Variants in RBMS3 observed in about 807,000 individuals in gnomAD.
RBMS3 encodes the protein RNA binding motif single stranded interacting protein 3.
A neutral mutation model predicts 66.8 loss-of-function variants in RBMS3; 27 were observed. That is an observed-to-expected ratio of 0.40 (90% CI 0.30 to 0.56). The LOEUF (loss-of-function observed/expected upper bound fraction) is 0.56. Ranked by LOEUF, RBMS3 falls within the 20% of genes least tolerant of loss-of-function variation. The pLI, the probability that RBMS3 is intolerant of heterozygous loss-of-function variation, is 0.40. For missense variants in RBMS3, 513 were observed against 549.5 expected, an observed-to-expected ratio of 0.93 and a Z score of 0.66; for synonymous variants, 188 against 183.0, an observed-to-expected ratio of 1.03 and a Z score of -0.22.
chr3:29,660,900 A>G (rs768896769), intron 4 of RBMS3, among the ~76,000 whole-genome samples: 1 of 152,210 alleles, frequency 6.6e-6, no homozygotes, highest in Non-Finnish European at 1.5e-5. Context: ...GCTTCCACCA[A>G]TGGGAAGAAG....
chr3:29,288,206 G>A (rs1279342651), intron 1 of RBMS3, among the ~76,000 whole-genome samples: 2 of 151,956 alleles, frequency 1.3e-5, no homozygotes, highest in Non-Finnish European at 2.9e-5. Context: ...AGATAGCTGA[G>A]CCTGCTTTAG....
intron 10 of RBMS3, among the ~76,000 whole-genome samples, chr3:29,932,005 TG>T (rs1238281683): frequency 6.6e-6 from 1 of 152,220 alleles, no homozygotes; most frequent in Non-Finnish European, 1.5e-5. Flanking sequence ...AAAGGGATGC[TG>T]TTTTTTTAAT....
At chr3:29,935,083 C>G (rs2061231525) in intron 10 of RBMS3, among the ~76,000 whole-genome samples, 1 of 152,018 alleles carries the variant, frequency 6.6e-6, no homozygotes, top group South Asian at 2.1e-4. Context: ...CTACTTTTAT[C>G]ACAATCTTTA....
intron 4 of RBMS3, among the ~76,000 whole-genome samples, chr3:29,593,972 A>G (rs1430099425): frequency 2.0e-5 from 3 of 152,234 alleles, no homozygotes; most frequent in Non-Finnish European, 2.9e-5. Context: ...TGGAGATGGT[A>G]GTATTTTAGG....
intron 4 of RBMS3, among the ~76,000 whole-genome samples, chr3:29,718,055 A>G (rs1307946870): frequency 6.6e-6 from 1 of 152,080 alleles, no homozygotes; most frequent in Non-Finnish European, 1.5e-5. Context: ...ATACACTGAC[A>G]TTTGGTTTCC....
chr3:29,902,366 G>A (rs377300381), intron 10 of RBMS3, among the ~76,000 whole-genome samples: 1 of 151,812 alleles, frequency 6.6e-6, no homozygotes, highest in African/African-American at 2.4e-5. Context: ...AATGAGTGTT[G>A]TTATAAGCAG....
At chr3:29,951,499 T>C (rs1695679132) in intron 12 of RBMS3, among the ~76,000 whole-genome samples, 1 of 151,758 alleles carries the variant, frequency 6.6e-6, no homozygotes, top group African/African-American at 2.4e-5. Context: ...TTACCCTTTA[T>C]ATATACACAA....
intron 8 of RBMS3, among the ~76,000 whole-genome samples, chr3:29,890,720 A>G (rs1204220844): frequency 2.0e-5 from 3 of 151,636 alleles, no homozygotes; most frequent in Admixed American, 1.3e-4. Flanking sequence ...AAGTACTATA[A>G]GATATATGTA....
Position 29,295,472 on chromosome 3 carries a change from G to A in RBMS3, c.75+13716G>A, listed in dbSNP as rs373938203. On this transcript the variant is annotated intron_variant, in intron 1 of 14. Coordinates refer to ENST00000383767, the MANE Select transcript of RBMS3 (RefSeq NM_001003793.3). Reference sequence around the variant, plus strand: ...CTAGGGAAATAATTCAAGATACAGCGGGAAAATGTTAATAATCTCCCTCAA... The same window carrying A: ...CTAGGGAAATAATTCAAGATACAGCAGGAAAATGTTAATAATCTCCCTCAA... 3.6e-4 allele frequency among the ~76,000 whole-genome samples: 54 copies of A among 150,542 alleles called. 1 individual carries two copies. In the South Asian group the frequency reaches 6.7e-3, roughly 19 times the overall value.
chr3:29,648,714 G>GT (rs35668644), intron 4 of RBMS3, among the ~76,000 whole-genome samples: 44,242 of 150,844 alleles, frequency 0.29, 6,657 homozygotes, highest in Middle Eastern at 0.36. Context: ...GAATTACAGT[G>GT]TTTTTTTTTC....
At chr3:29,446,073 A>G (rs115025755) in intron 2 of RBMS3, among the ~76,000 whole-genome samples, 6,036 of 152,258 alleles carry the variant, frequency 0.04, 184 homozygotes, top group Non-Finnish European at 0.058. Flanking sequence ...ATCATATTCT[A>G]AGAAGTCCAC....
chr3:29,800,034 C>T (rs1029481292), intron 6 of RBMS3, among the ~76,000 whole-genome samples: 2 of 152,144 alleles, frequency 1.3e-5, no homozygotes, highest in African/African-American at 2.4e-5. Flanking sequence ...AATAGATGTA[C>T]CATGTATACT....
chr3:29,787,949 A>G (rs143147780), intron 6 of RBMS3, among the ~76,000 whole-genome samples: 239 of 152,254 alleles, frequency 1.6e-3, no homozygotes, highest in Middle Eastern at 3.4e-3. Flanking sequence ...GATTTATTTT[A>G]TATTTTGAGT....
intron 4 of RBMS3, among the ~76,000 whole-genome samples, chr3:29,675,435 A>G (rs181490221): frequency 1.3e-5 from 2 of 152,234 alleles, no homozygotes; most frequent in Non-Finnish European, 2.9e-5. Flanking sequence ...ATGGGATCTA[A>G]TTAAACTAAA....
At chr3:29,336,004 T>C (rs754972201) in intron 1 of RBMS3, among the ~76,000 whole-genome samples, 2 of 152,160 alleles carry the variant, frequency 1.3e-5, no homozygotes, top group Non-Finnish European at 2.9e-5. Flanking sequence ...ATTTTTCAAC[T>C]GATCAGCCTT....
chr3:29,929,628 A>G (rs568764816), intron 10 of RBMS3, among the ~76,000 whole-genome samples: 1 of 152,306 alleles, frequency 6.6e-6, no homozygotes, highest in Non-Finnish European at 1.5e-5. Context: ...TACTGAATCA[A>G]AAATCAACTT....
chr3:29,739,590 C>A, intron 4 of RBMS3, 130 bp from the exon 5 acceptor site: 1 of 733,434 alleles, frequency 1.4e-6, no homozygotes, highest in Non-Finnish European at 2.1e-6. Context: ...AGTAATGCCC[C>A]TAGTGAAAGC....
At chr3:29,728,306 T>A (rs2053975427) in intron 4 of RBMS3, among the ~76,000 whole-genome samples, 1 of 152,200 alleles carries the variant, frequency 6.6e-6, no homozygotes, top group Non-Finnish European at 1.5e-5. Context: ...CAAGCCACCA[T>A]GGCTCATGTA....
intron 6 of RBMS3, among the ~76,000 whole-genome samples, chr3:29,817,391 G>A (rs560695685): frequency 6.6e-6 from 1 of 151,794 alleles, no homozygotes; most frequent in African/African-American, 2.4e-5. Context: ...TTTTAATAGA[G>A]ACAGGTTTTT....
Sources: allele counts gnomAD v4.1 joint callset (sites outside exome capture counted in the v4.1 genomes callset), GRCh38; gene constraint gnomAD v4.1.1; transcripts MANE v1.5; gene names NCBI Gene and HGNC (gene_info 2026-07-23, HGNC 2026-07-21).